PLIN2: variants seen among roughly 807,000 people sequenced by gnomAD.
PLIN2 encodes the protein perilipin-2.
A neutral mutation model predicts 30.6 loss-of-function variants in PLIN2; 33 were observed. The ratio of observed to expected loss-of-function variants is 1.08; its 90% CI spans 0.82 to 1.44. The LOEUF (loss-of-function observed/expected upper bound fraction) is 1.44. Among genes scored for constraint, PLIN2 ranks in the 40% most tolerant of loss-of-function variants. The pLI is 0.00. For missense variants in PLIN2, 610 were observed against 531.8 expected (o/e 1.15, Z -1.45); for synonymous variants, 205 against 201.1 (o/e 1.02, Z -0.16).
rs1371235836 is a variant in PLIN2 at position 19,127,050 on chromosome 9, T to C, written c.-23+369A>G. On this transcript the variant is annotated intron_variant, in intron 1 of 7. Coordinates refer to ENST00000276914, the MANE Select transcript of PLIN2 (RefSeq NM_001122.4). The surrounding 1 kb of genome is among the most constrained non-coding windows in gnomAD (Gnocchi z 4.3). The stretch of plus-strand genomic sequence containing the variant: ...GAGCGAGACTCCGTCAAAAAAAAAA[T>C]GCGGTTTTCTAACGCGTTTCCCTTT... 6.7e-6 allele frequency among the ~76,000 whole-genome samples: 1 copy of C among 149,942 alleles called. No homozygotes were observed. Among genetic ancestry groups the C allele is most frequent in the African/African-American group, 2.5e-5 (1 of 40,350 alleles).
downstream of PLIN2, among the ~76,000 whole-genome samples, chr9:19,114,301 G>A (rs190116072): frequency 2.0e-5 from 3 of 152,278 alleles, no homozygotes; most frequent in East Asian, 5.8e-4. Flanking sequence ...AGAAAGGGGT[G>A]AACCAGGATA....
intron 4 of PLIN2, among the ~76,000 whole-genome samples, chr9:19,122,681 C>T (rs1399194558): frequency 6.6e-6 from 1 of 151,460 alleles, no homozygotes; most frequent in Non-Finnish European, 1.5e-5. Flanking sequence ...TGGACCATTA[C>T]CAGTCCATTA....
intron 5 of PLIN2, 71 bp from the exon 6 acceptor site, chr9:19,119,902 C>A: frequency 9.9e-7 from 1 of 1,005,882 alleles, no homozygotes; most frequent in South Asian, 1.6e-5. Flanking sequence ...TGGACTCTAA[C>A]CTGGGTCTTG....
exon 3 of PLIN2, chr9:19,108,747 C>T (rs1180174104): frequency 1.3e-5 from 2 of 152,556 alleles, no homozygotes; most frequent in Non-Finnish European, 2.9e-5. Context: ...AAATCAAACA[C>T]CTGTAAAAGA....
chr9:19,110,629 C>A (rs1239480648), intron 2 of PLIN2, among the ~76,000 whole-genome samples: 1 of 151,888 alleles, frequency 6.6e-6, no homozygotes, highest in Non-Finnish European at 1.5e-5. Context: ...GCGTGTGCCA[C>A]CACACCCGGC....
At chr9:19,118,774 G>A (rs192281173) in intron 6 of PLIN2, among the ~76,000 whole-genome samples, 6 of 152,116 alleles carry the variant, frequency 3.9e-5, no homozygotes, top group Admixed American at 2.6e-4. Context: ...GTACAGTGGC[G>A]CGATCACAGC....
At chr9:19,117,202 C>T (rs1818242073) in intron 7 of PLIN2, among the ~76,000 whole-genome samples, 1 of 151,840 alleles carries the variant, frequency 6.6e-6, no homozygotes, top group Non-Finnish European at 1.5e-5. Flanking sequence ...AGTCTGTTGC[C>T]CAGGCTGGAG....
intron 4 of PLIN2, chr9:19,123,220 C>G: frequency 2.5e-6 from 2 of 801,690 alleles, no homozygotes; most frequent in South Asian, 3.6e-5. Flanking sequence ...ATTGTACAAG[C>G]CAGGTGAGAA....
intron 6 of PLIN2, 80 bp from the exon 7 acceptor site, chr9:19,118,535 C>T: frequency 7.6e-7 from 1 of 1,308,214 alleles, no homozygotes; most frequent in Admixed American, 2.3e-5. Context: ...TGATGTAAAT[C>T]AGGCAACATA....
At chr9:19,124,038 G>C (rs1310755120) in intron 3 of PLIN2, among the ~76,000 whole-genome samples, 1 of 140,164 alleles carries the variant, frequency 7.1e-6, no homozygotes, top group African/African-American at 2.6e-5. Flanking sequence ...AAAAAGGCAA[G>C]AATGTTGATC....
At chr9:19,117,144 CTTCT>C (rs901061372) in intron 7 of PLIN2, among the ~76,000 whole-genome samples, 1 of 151,460 alleles carries the variant, frequency 6.6e-6, no homozygotes, top group African/African-American at 2.4e-5. Flanking sequence ...TTCTTTCTTT[CTTCT>C]TTCTTTCTTT....
downstream of PLIN2, among the ~76,000 whole-genome samples, chr9:19,112,615 G>A (rs1223647203): frequency 6.6e-6 from 1 of 151,620 alleles, no homozygotes; most frequent in Admixed American, 6.6e-5. Flanking sequence ...CACTGAGGAG[G>A]GAGAATCGAT....
At chr9:19,111,773 T>C (rs554325656), downstream of PLIN2, among the ~76,000 whole-genome samples, 74 of 152,260 alleles carry the variant, frequency 4.9e-4, no homozygotes, top group South Asian at 0.014. Flanking sequence ...AACCAAATTT[T>C]AGCTTTTTCC....
At chr9:19,109,376 A>G (rs1818129685) in intron 2 of PLIN2, among the ~76,000 whole-genome samples, 1 of 151,334 alleles carries the variant, frequency 6.6e-6, no homozygotes, top group South Asian at 2.1e-4. Context: ...AACACGGTGG[A>G]ACGCTGTCTC....
chr9:19,118,262 T>C, intron 7 of PLIN2, 59 bp downstream of exon 7: 1 of 1,496,450 alleles, frequency 6.7e-7, no homozygotes, highest in Non-Finnish European at 9.0e-7. Flanking sequence ...AAAATTGAAA[T>C]GAAAAGTCTG....
chr9:19,117,147 CTTTCTTTCTTT>C (rs1364067523), intron 7 of PLIN2, among the ~76,000 whole-genome samples: 1 of 151,778 alleles, frequency 6.6e-6, no homozygotes, highest in Non-Finnish European at 1.5e-5. Context: ...TTTCTTTCTT[CTTTCTTTCTTT>C]TCTTTTCTTT....
chr9:19,124,700 T>C (rs1206083897), intron 3 of PLIN2, among the ~76,000 whole-genome samples: 1 of 152,196 alleles, frequency 6.6e-6, no homozygotes, highest in African/African-American at 2.4e-5. Flanking sequence ...TAAACAGTTA[T>C]TATATAACCC....
intron 2 of PLIN2, among the ~76,000 whole-genome samples, chr9:19,110,471 TTTGTTTTG>T (rs1818145730): frequency 7.1e-6 from 1 of 140,210 alleles, no homozygotes; most frequent in Non-Finnish European, 1.7e-5. Context: ...TGGATTTCGT[TTTGTTTTG>T]TTTGTTTGTT....
chr9:19,118,384 G>C lies in PLIN2; in HGVS notation c.849C>G (p.Leu283=). The C allele has an allele frequency of 1.2e-6, 2 of 1,610,140 alleles. No individual in the cohort carries two copies. The highest frequency in any genetic ancestry group is 2.2e-5 in the South Asian group (2 of 90,994). Reference sequence around the variant, plus strand: ...TGCTCCTTTTCCACTCTACCCATGAGAGGTAGAGCTTATCCTGAGCATCCT... The same window carrying C: ...TGCTCCTTTTCCACTCTACCCATGACAGGTAGAGCTTATCCTGAGCATCCT... ...KIQDAQDKLY[L]SWVEWKRSIG... Residue 283 remains leucine (L), a synonymous_variant, in exon 7 of 8, where the codon CTC becomes CTG. Transcript: ENST00000276914.
Sources: allele counts gnomAD v4.1 joint callset (sites outside exome capture counted in the v4.1 genomes callset), GRCh38; gene constraint gnomAD v4.1.1; non-coding constraint Gnocchi (gnomAD v3.1); transcripts MANE v1.5; gene names NCBI Gene and HGNC (gene_info 2026-07-23, HGNC 2026-07-21).